The following ZNF143 variants were observed in gnomAD, a reference collection of about 807,000 sequenced individuals.
ZNF143 encodes SPH-binding factor.
A neutral mutation model predicts 74.1 loss-of-function variants in ZNF143; 49 were observed. The ratio of observed to expected loss-of-function variants is 0.66; its 90% CI spans 0.53 to 0.84. ZNF143 has a LOEUF of 0.84. Among genes scored for constraint, ZNF143 ranks in the 40% least tolerant of loss-of-function variants. ZNF143 has a pLI of 0.00. For missense variants in ZNF143, 637 were observed against 793.4 expected (o/e 0.80, Z 2.37); for synonymous variants, 304 against 282.8 (o/e 1.07, Z -0.75).
chr11:9,518,330 T>C (rs1848792133), intron 14 of ZNF143, among the ~76,000 whole-genome samples: 1 of 152,134 alleles, frequency 6.6e-6, no homozygotes, highest in African/African-American at 2.4e-5. Context: ...TTGGCAAAGA[T>C]GTGGAGCAAC....
rs188468463 is a variant in ZNF143, at chr11:9,484,616, T to G, written c.645+5070T>G. Among the ~76,000 whole-genome samples the G allele has an allele frequency of 3.1e-4, 46 of 149,182 alleles. 1 individual carries two copies. Among genetic ancestry groups the G allele is most frequent in the East Asian group, 2.3e-3 (12 of 5,120 alleles). The stretch of plus-strand genomic sequence containing the variant: ...GGCAAAAGTTTGGTGTTTTTTTTTT[T>G]TTGTTTATTTTTTGTTTTTTGAGAT... On this transcript the variant is annotated intron_variant, in intron 7 of 15. Coordinates refer to ENST00000396602, the MANE Select transcript of ZNF143 (RefSeq NM_003442.6).
chr11:9,474,098 T>A, intron 4 of ZNF143, 74 bp downstream of exon 4: 1 of 1,164,782 alleles, frequency 8.6e-7, no homozygotes, highest in South Asian at 1.2e-5. Context: ...TGCAGCTCCC[T>A]CTTACTACCT....
chr11:9,511,553 T>A (rs1307825877), intron 12 of ZNF143, among the ~76,000 whole-genome samples: 1 of 150,676 alleles, frequency 6.6e-6, no homozygotes, highest in Non-Finnish European at 1.5e-5. Context: ...CCGCCCGCCT[T>A]GGCCTCCCAA....
chr11:9,514,550 G>C (rs1286888319), intron 13 of ZNF143, among the ~76,000 whole-genome samples: 2 of 152,318 alleles, frequency 1.3e-5, no homozygotes, highest in East Asian at 3.9e-4. Context: ...GAGAGATACA[G>C]AAAGTGCTGT....
chr11:9,522,579 C>T (rs978489065), intron 14 of ZNF143, among the ~76,000 whole-genome samples: 4 of 152,032 alleles, frequency 2.6e-5, no homozygotes, highest in African/African-American at 9.7e-5. Context: ...CTGCAACCTC[C>T]GCCTCCCGGG....
At chr11:9,525,828 C>G (rs551352003) in intron 15 of ZNF143, among the ~76,000 whole-genome samples, 8 of 152,226 alleles carry the variant, frequency 5.3e-5, no homozygotes, top group Admixed American at 5.2e-4. Flanking sequence ...GAATCATTCT[C>G]TGGGAAGCAG....
intron 5 of ZNF143, among the ~76,000 whole-genome samples, chr11:9,475,261 A>G (rs1294624686): frequency 1.3e-5 from 2 of 152,056 alleles, no homozygotes; most frequent in Non-Finnish European, 2.9e-5. Flanking sequence ...GGTTAACTTC[A>G]TATTTTATTC....
chr11:9,486,345 A>G (rs1461679739), intron 7 of ZNF143, among the ~76,000 whole-genome samples: 2 of 60,728 alleles, frequency 3.3e-5, no homozygotes, highest in African/African-American at 1.3e-4. Flanking sequence ...ATTATATTAT[A>G]TATATATTAT....
At chr11:9,489,269 T>G (rs1847678109) in intron 7 of ZNF143, among the ~76,000 whole-genome samples, 1 of 152,184 alleles carries the variant, frequency 6.6e-6, no homozygotes, top group Admixed American at 6.6e-5. Flanking sequence ...TATAATTCTC[T>G]TAGCATGCCA....
At position 9,508,864 on chromosome 11, in the gene ZNF143, T is replaced by C; in HGVS notation, c.1375+18T>C. ...GCCCCCAGGTGAGAGTTTTGTCTACTATATTTTGTTTCTGAGTTTGAGAAT... is the reference window on the plus strand; with the variant it reads ...GCCCCCAGGTGAGAGTTTTGTCTACCATATTTTGTTTCTGAGTTTGAGAAT... On this transcript the variant is annotated intron_variant, in intron 12 of 15. Coordinates refer to ENST00000396602, the MANE Select transcript of ZNF143 (RefSeq NM_003442.6). The C allele has an allele frequency of 6.4e-7, 1 of 1,554,074 alleles. No homozygotes were observed. The highest frequency in any genetic ancestry group is 2.4e-5 in the East Asian group (1 of 41,212).
rs758126528 is a variant in ZNF143, at chr11:9,508,595, CT to C, written c.1148-16del. On this transcript the variant is annotated intron_variant, in intron 11 of 15. Transcript: ENST00000396602. ...TTTGCCTACATATGTAAAAGTTGAA[CT>C]TTTTTTTGGTGTTGCTCTTTAGGAG... is the stretch of plus-strand genomic sequence containing the variant. 36 of 1,594,594 alleles carry C rather than the reference CT, an allele frequency of 2.3e-5. No homozygotes were observed. The highest frequency in any genetic ancestry group is 3.3e-5 in the South Asian group (3 of 90,420).
chr11:9,511,442 G>A (rs1589935449), intron 12 of ZNF143, among the ~76,000 whole-genome samples: 2 of 149,682 alleles, frequency 1.3e-5, no homozygotes, highest in South Asian at 2.1e-4. Flanking sequence ...GACTACAGGC[G>A]CCTGCCACCA....
chr11:9,474,411 C>A, intron 4 of ZNF143, 139 bp from the exon 5 acceptor site: 1 of 830,698 alleles, frequency 1.2e-6, no homozygotes, highest in Non-Finnish European at 1.9e-6. Context: ...CTTTACTGAA[C>A]TTACTTAAAT....
intron 14 of ZNF143, among the ~76,000 whole-genome samples, chr11:9,520,992 GA>G (rs1456187830): frequency 1.3e-5 from 2 of 152,078 alleles, no homozygotes; most frequent in Non-Finnish European, 2.9e-5. Flanking sequence ...TTTTAAAGAT[GA>G]TTTTTTAGAG....
At chr11:9,507,381 G>A (rs1848402324) in intron 11 of ZNF143, among the ~76,000 whole-genome samples, 1 of 151,978 alleles carries the variant, frequency 6.6e-6, no homozygotes, top group African/African-American at 2.4e-5. Context: ...TTCCACAGCT[G>A]GAGCCCTTCC....
intron 14 of ZNF143, among the ~76,000 whole-genome samples, chr11:9,517,943 A>G (rs1309322290): frequency 6.6e-6 from 1 of 152,132 alleles, no homozygotes; most frequent in African/African-American, 2.4e-5. Context: ...AGATCAGACA[A>G]CCCCCAGACT....
chr11:9,494,158 T>G (rs1389889587), intron 7 of ZNF143, among the ~76,000 whole-genome samples: 1 of 152,200 alleles, frequency 6.6e-6, no homozygotes, highest in Non-Finnish European at 1.5e-5. Flanking sequence ...TCAGAGTCAC[T>G]GACTTCAACC....
Position 9,528,490 on chromosome 11 carries a change from T to C in ZNF143, c.*877T>C, listed in dbSNP as rs1242202531. 2.0e-5 allele frequency: 3 copies of C among 152,182 alleles called. No homozygotes were observed. The highest frequency in any genetic ancestry group is 1.3e-4 in the Admixed American group (2 of 15,276). The allele number at this position is 152,182 out of a possible 1,614,324, so 9.4% of individuals were successfully genotyped here. A position where few individuals can be genotyped will look rare whatever the true frequency, so the allele number is the denominator to read the frequency against. ...AAAGCTTATTTACCCCAAAGTTTAT[T>C]ATTAATTTTGAATACAGCAATTTTT... On this transcript the variant is annotated 3_prime_UTR_variant, in exon 16 of 16. Coordinates refer to ENST00000396602, the MANE Select transcript of ZNF143 (RefSeq NM_003442.6).
At chr11:9,512,319 A>G (rs1589937228) in intron 12 of ZNF143, 129 bp from the exon 13 acceptor site, 1 of 1,236,250 alleles carries the variant, frequency 8.1e-7, no homozygotes, top group Non-Finnish European at 1.1e-6. Flanking sequence ...CCTGGAAGCC[A>G]TTTTCGTGAC....
Sources: gnomAD v4.1 joint callset for allele counts (sites outside exome capture counted in the v4.1 genomes callset) on GRCh38, gnomAD v4.1.1 for gene constraint, MANE v1.5 for transcripts, NCBI Gene and HGNC (gene_info 2026-07-23, HGNC 2026-07-21) for gene names.